The following FRYL variants were observed in gnomAD, a reference collection of about 807,000 sequenced individuals.
The protein encoded by FRYL is FRY like transcription coactivator.
Under a neutral mutation model 351.2 loss-of-function variants are expected in FRYL, and 150 were observed. That is an observed-to-expected ratio of 0.43 (90% CI 0.37 to 0.49). FRYL has a LOEUF of 0.49. FRYL is among the 20% of genes least tolerant of loss of function. FRYL has a pLI of 0.00. For synonymous variants in FRYL, 1,153 were observed against 1,257.1 expected (o/e 0.92, Z 1.75); for missense variants, 3,036 against 3,619.3 (o/e 0.84, Z 4.13).
At chr4:48,626,776 C>T (rs1251118822) in intron 4 of FRYL, among the ~76,000 whole-genome samples, 72 of 152,178 alleles carry the variant, frequency 4.7e-4, no homozygotes, top group Non-Finnish European at 2.5e-4. Context: ...GCTTCTCTAT[C>T]CAGTAGTCCC....
At chr4:48,750,819 A>G (rs1206907591) in intron 1 of FRYL, among the ~76,000 whole-genome samples, 1 of 152,188 alleles carries the variant, frequency 6.6e-6, no homozygotes, top group African/African-American at 2.4e-5. Flanking sequence ...TTTTCCCCCT[A>G]TGACCCAAGA....
At chr4:48,510,006 C>A in intron 59 of FRYL, 53 bp downstream of exon 59, 1 of 1,173,892 alleles carries the variant, frequency 8.5e-7, no homozygotes, top group South Asian at 1.2e-5. Context: ...CCAGGATTAC[C>A]CTTCCAGTGT....
At chr4:48,716,455 A>C (rs1768841450) in intron 1 of FRYL, among the ~76,000 whole-genome samples, 1 of 151,660 alleles carries the variant, frequency 6.6e-6, no homozygotes, top group Non-Finnish European at 1.5e-5. Flanking sequence ...CCCGTCAGAA[A>C]GTGGGCGAAG....
intron 33 of FRYL, among the ~76,000 whole-genome samples, chr4:48,559,321 ACGGTGTGGTTT>A (rs1734854473): frequency 6.6e-6 from 1 of 151,604 alleles, no homozygotes; most frequent in Non-Finnish European, 1.5e-5. Context: ...TATAGGGGTC[ACGGTGTGGTTT>A]GACTTCCTGG....
At position 48,575,202 on chromosome 4, in the gene FRYL, T is replaced by C. The variant is rs1578187221; in HGVS notation, c.2761A>G (p.Ile921Val). 6.2e-7 allele frequency: 1 copy of C among 1,613,948 alleles called. No individual in the cohort carries two copies. The highest frequency in any genetic ancestry group is 8.5e-7 in the Non-Finnish European group (1 of 1,179,832). ...IPSPSSLFKH[I>V]VPMMRSESME... ...CTCTCAGAACGCATCATTGGAACTATGTGCTTAAACAAGGATGAAGGGGAT... is the reference window on the plus strand; with the variant it reads ...CTCTCAGAACGCATCATTGGAACTACGTGCTTAAACAAGGATGAAGGGGAT... The change falls in exon 25 of 64, where the codon ATA (isoleucine) becomes GTA (valine). Residue 921 changes from isoleucine to valine, a missense_variant. By Grantham distance (29) the Ile-to-Val change is conservative. Transcript: ENST00000358350.
At chr4:48,687,502 G>T (rs1253870620) in intron 2 of FRYL, among the ~76,000 whole-genome samples, 1 of 127,102 alleles carries the variant, frequency 7.9e-6, no homozygotes, top group Non-Finnish European at 1.7e-5. Flanking sequence ...CGGGGGGGGG[G>T]GGGGTGAGGG....
intron 46 of FRYL, 27 bp from the exon 47 acceptor site, chr4:48,540,095 T>C (rs1226316826): frequency 2.6e-6 from 4 of 1,531,736 alleles, no homozygotes; most frequent in Non-Finnish European, 3.6e-6. Context: ...AAGCAAACAA[T>C]AACCAATTTT....
At chr4:48,575,383 G>A in intron 24 of FRYL, 142 bp from the exon 25 acceptor site, 3 of 853,668 alleles carry the variant, frequency 3.5e-6, no homozygotes, top group Non-Finnish European at 5.4e-6. Flanking sequence ...TTCACCTGGG[G>A]TGTACATAAC....
intron 3 of FRYL, chr4:48,637,915 A>G (rs1754561673): frequency 6.6e-6 from 1 of 152,144 alleles, no homozygotes; most frequent in East Asian, 1.9e-4. Flanking sequence ...TATAACTCTT[A>G]CAATTAGGTG....
At chr4:48,524,831 C>G (rs955537821) in intron 53 of FRYL, among the ~76,000 whole-genome samples, 4 of 151,982 alleles carry the variant, frequency 2.6e-5, no homozygotes, top group African/African-American at 9.7e-5. Context: ...GAAAAATAAC[C>G]TTACCATTAC....
intron 1 of FRYL, among the ~76,000 whole-genome samples, chr4:48,734,529 A>G (rs1361897272): frequency 6.6e-6 from 1 of 152,204 alleles, no homozygotes; most frequent in East Asian, 1.9e-4. Flanking sequence ...ACATAGCTGA[A>G]CTCAACAACA....
At chr4:48,774,410 CA>C (rs1219560202) in intron 1 of FRYL, among the ~76,000 whole-genome samples, 4 of 152,196 alleles carry the variant, frequency 2.6e-5, no homozygotes, top group African/African-American at 9.7e-5. Flanking sequence ...CCATCACTGA[CA>C]GTGTTACATG....
intron 10 of FRYL, 82 bp from the exon 11 acceptor site, chr4:48,605,915 ACT>A (rs1473401327): frequency 2.3e-6 from 2 of 883,828 alleles, no homozygotes; most frequent in Non-Finnish European, 3.6e-6. Flanking sequence ...TTTTGTGAAC[ACT>A]CTGTCATTTT....
intron 3 of FRYL, among the ~76,000 whole-genome samples, chr4:48,641,653 T>C (rs1755348367): frequency 6.6e-6 from 1 of 152,158 alleles, no homozygotes; most frequent in Non-Finnish European, 1.5e-5. Context: ...GCTACTGTCA[T>C]GTGGGAGTGG....
intron 1 of FRYL, among the ~76,000 whole-genome samples, chr4:48,741,653 G>T (rs1335066776): frequency 6.6e-6 from 1 of 152,006 alleles, no homozygotes; most frequent in African/African-American, 2.4e-5. Context: ...CCGAAATGGC[G>T]CCACTATACT....
At chr4:48,526,802 A>G (rs1190820734) in intron 53 of FRYL, among the ~76,000 whole-genome samples, 1 of 152,196 alleles carries the variant, frequency 6.6e-6, no homozygotes, top group Non-Finnish European at 1.5e-5. Flanking sequence ...ATAACTACCA[A>G]TATAATGTAA....
At chr4:48,719,118 T>A (rs1769187594) in intron 1 of FRYL, among the ~76,000 whole-genome samples, 1 of 151,618 alleles carries the variant, frequency 6.6e-6, no homozygotes, top group African/African-American at 2.4e-5. Context: ...ACCCCCAGGC[T>A]TGGTAATTCA....
chr4:48,685,168 ATCTC>A, intron 2 of FRYL, among the ~76,000 whole-genome samples: 1 of 152,336 alleles, frequency 6.6e-6, no homozygotes, highest in East Asian at 1.9e-4. Flanking sequence ...TTCATTATGT[ATCTC>A]TCTAAGACAA....
At chr4:48,595,563 A>G in intron 15 of FRYL, 27 bp downstream of exon 15, 1 of 1,317,362 alleles carries the variant, frequency 7.6e-7, no homozygotes, top group East Asian at 2.3e-5. Context: ...ATTTATATAC[A>G]TACATACTAT....
Sources: gnomAD v4.1 joint callset for allele counts (sites outside exome capture counted in the v4.1 genomes callset) on GRCh38, gnomAD v4.1.1 for gene constraint, MANE v1.5 for transcripts, NCBI Gene and HGNC (gene_info 2026-07-23, HGNC 2026-07-21) for gene names.